The following UGGT1 variants were observed in gnomAD, a reference collection of about 807,000 sequenced individuals.
The protein encoded by UGGT1 is UDP-glucose glycoprotein glucosyltransferase 1.
A neutral mutation model predicts 203.9 loss-of-function variants in UGGT1; 107 were observed. That is an observed-to-expected ratio of 0.52 (90% CI 0.45 to 0.62). The LOEUF is 0.62. Among genes scored for constraint, UGGT1 ranks in the 20% least tolerant of loss-of-function variants. The pLI is 0.00. For missense variants in UGGT1, 1,673 were observed against 1,867.2 expected (o/e 0.90, Z 1.92); for synonymous variants, 628 against 653.5 (o/e 0.96, Z 0.59).
chr2:128,173,490 T>C (rs1224132248), intron 29 of UGGT1, among the ~76,000 whole-genome samples: 2 of 152,208 alleles, frequency 1.3e-5, no homozygotes, highest in African/African-American at 4.8e-5. Context: ...ACCTAGTTTT[T>C]ATAATTGTAT....
intron 10 of UGGT1, 83 bp from the exon 11 acceptor site, chr2:128,123,103 G>T: frequency 9.7e-7 from 1 of 1,031,900 alleles, no homozygotes; most frequent in Non-Finnish European, 1.4e-6. Flanking sequence ...ATTGAATAAT[G>T]TGTTTCATAT....
At position 128,170,259 on chromosome 2, in the gene UGGT1, G is replaced by A. The variant is rs754016716; in HGVS notation, c.2922-29G>A. On this transcript the variant is annotated intron_variant, in intron 26 of 40. Coordinates refer to ENST00000259253, the MANE Select transcript of UGGT1 (RefSeq NM_020120.4). ...AACTTTTGTTTCCTGTGTCCTCCAGGTTAATGTTTTATCCTTGTGATCTTT... is the reference window on the plus strand; with the variant it reads ...AACTTTTGTTTCCTGTGTCCTCCAGATTAATGTTTTATCCTTGTGATCTTT... 2.5e-6 allele frequency: 4 copies of A among 1,602,632 alleles called. No homozygotes were observed. The East Asian group carries it at 8.9e-5, about 36-fold the overall frequency.
chr2:128,189,634 C>A, intron 40 of UGGT1, 83 bp from the exon 41 acceptor site: 1 of 1,379,068 alleles, frequency 7.3e-7, no homozygotes, highest in Non-Finnish European at 1.0e-6. Context: ...AGAATAGGTT[C>A]CAGTGATGAA....
In UGGT1 at chr2:128,192,802, G is replaced by T. The variant is rs957718497; in HGVS notation, c.*3060G>T. 1 of 151,988 alleles carries T rather than the reference G, an allele frequency of 6.6e-6. No individual in the cohort carries two copies. The highest frequency in any genetic ancestry group is 1.5e-5 in the Non-Finnish European group (1 of 68,004). 9.4% of individuals were successfully genotyped at this position (151,988 alleles called of 1,614,324 possible). On this transcript the variant is annotated 3_prime_UTR_variant, in exon 41 of 41. Transcript: ENST00000259253. ...TGTACATCTGTCATTGTTGCATTTC[G>T]AATTGAACACATAGATGCTTGCCTG...
intron 8 of UGGT1, among the ~76,000 whole-genome samples, chr2:128,117,281 G>T (rs1688151780): frequency 6.6e-6 from 1 of 151,400 alleles, no homozygotes; most frequent in South Asian, 2.1e-4. Flanking sequence ...GTAGAGACGG[G>T]GTTTCACCAT....
rs1302845496 is a variant in UGGT1, at chr2:128,091,432, T to G, written c.58+17T>G. ...CGGTGACAGGTACCCAGGGGTGGCG[T>G]GAGGAGGCCTCGTGGACAAAGAGAG... On this transcript the variant is annotated intron_variant, in intron 1 of 40. Transcript: ENST00000259253. 6.4e-7 allele frequency: 1 copy of G among 1,574,208 alleles called. No individual in the cohort carries two copies. Among genetic ancestry groups the G allele is most frequent in the Non-Finnish European group, 8.6e-7 (1 of 1,159,826 alleles).
chr2:128,147,339 G>C lies in UGGT1; in HGVS notation c.2016+1372G>C, dbSNP rs537595092. Among the ~76,000 whole-genome samples, 4 of 152,228 alleles carry C rather than the reference G, an allele frequency of 2.6e-5. No individual in the cohort carries two copies. The East Asian group carries it at 7.7e-4, about 29-fold the overall frequency. ...TCCAGATTTCTATTTGGTTCTTTTTGATAATTTCCTTTGGTTTATAGATAT... is the reference window on the plus strand; with the variant it reads ...TCCAGATTTCTATTTGGTTCTTTTTCATAATTTCCTTTGGTTTATAGATAT... On this transcript the variant is annotated intron_variant, in intron 18 of 40. Transcript: ENST00000259253.
intron 6 of UGGT1, 79 bp downstream of exon 6, chr2:128,113,337 C>G: frequency 5.2e-6 from 6 of 1,157,448 alleles, no homozygotes; most frequent in Non-Finnish European, 6.9e-6. Context: ...AATAATCTCC[C>G]TCTTTATAAA....
intron 28 of UGGT1, 102 bp downstream of exon 28, chr2:128,171,386 G>A: frequency 9.5e-7 from 1 of 1,052,072 alleles, no homozygotes; most frequent in Non-Finnish European, 1.4e-6. Context: ...TGGACATCAT[G>A]TTTGAAATGG....
intron 28 of UGGT1, chr2:128,171,539 G>T (rs770939309): frequency 1.1e-4 from 50 of 435,654 alleles, no homozygotes; most frequent in South Asian, 7.7e-4. Flanking sequence ...ATGGAGTCTC[G>T]CTCTGTCGCC....
chr2:128,123,644 C>G (rs879678031), intron 11 of UGGT1, among the ~76,000 whole-genome samples: 1 of 152,202 alleles, frequency 6.6e-6, no homozygotes, highest in Non-Finnish European at 1.5e-5. Context: ...CTGCCTCCCC[C>G]TCAGTGTCCC....
At chr2:128,176,154 C>T (rs1372176011) in intron 31 of UGGT1, among the ~76,000 whole-genome samples, 1 of 152,144 alleles carries the variant, frequency 6.6e-6, no homozygotes, top group Non-Finnish European at 1.5e-5. Flanking sequence ...TGGCTCACGC[C>T]TGTAATCCCA....
chr2:128,109,920 T>C (rs1204486520), intron 5 of UGGT1, among the ~76,000 whole-genome samples, 174 bp downstream of exon 5: 2 of 152,188 alleles, frequency 1.3e-5, no homozygotes, highest in Non-Finnish European at 2.9e-5. Flanking sequence ...TTAAAATAGT[T>C]TTGTGAAATG....
intron 15 of UGGT1, among the ~76,000 whole-genome samples, chr2:128,136,464 G>A (rs913862191): frequency 1.3e-5 from 2 of 152,022 alleles, no homozygotes; most frequent in Admixed American, 6.5e-5. Flanking sequence ...GTCATACGGC[G>A]TGTGCCTATT....
chr2:128,170,298 C>G lies in UGGT1; in HGVS notation c.2932C>G (p.Leu978Val). ...FFEDRHSAIK[L>V]RPKEGETYFD... ...CTTGTGATCTTTCAGTGCAATCAAA[C>G]TGAGGCCGAAGGAAGGGGAGACATA... Residue 978 changes from leucine to valine, a missense_variant, in exon 27 of 41, where the codon CTG (leucine) becomes GTG (valine). Transcript: ENST00000259253. The G allele has an allele frequency of 1.2e-6, 2 of 1,614,176 alleles. No individual in the cohort carries two copies. The highest frequency in any genetic ancestry group is 4.5e-5 in the East Asian group (2 of 44,886).
intron 26 of UGGT1, among the ~76,000 whole-genome samples, chr2:128,169,229 G>A (rs1412090533): frequency 2.0e-5 from 3 of 151,864 alleles, no homozygotes; most frequent in Admixed American, 6.6e-5. Context: ...AAATTAGCCC[G>A]GCATGGTGGC....
At chr2:128,114,249 C>T (rs1288054582) in intron 6 of UGGT1, among the ~76,000 whole-genome samples, 6 of 152,092 alleles carry the variant, frequency 3.9e-5, no homozygotes, top group Non-Finnish European at 7.3e-5. Context: ...TCCCGAGTAG[C>T]TGGGATTACA....
At position 128,145,833 on chromosome 2, in the gene UGGT1, G is replaced by T; in HGVS notation, c.1882G>T (p.Val628Phe). 6.2e-7 allele frequency: 1 copy of T among 1,610,312 alleles called. No homozygotes were observed. Among genetic ancestry groups the T allele is most frequent in the Non-Finnish European group, 8.5e-7 (1 of 1,177,462 alleles). Residue 628 changes from valine to phenylalanine, a missense_variant, in exon 18 of 41, where the codon GTT becomes TTT. By Grantham distance (50) the Val-to-Phe change is conservative. Transcript: ENST00000259253. Reference sequence around the variant, plus strand: ...AAGAGGCTACTATGAGCAGACTGGAGTTGGACCTCTGCCCGTTGTGCTGTT... The same window carrying T: ...AAGAGGCTACTATGAGCAGACTGGATTTGGACCTCTGCCCGTTGTGCTGTT... ...EARGYYEQTG[V>F]GPLPVVLFNG... is the part of the protein sequence containing the mutation.
intron 7 of UGGT1, among the ~76,000 whole-genome samples, chr2:128,115,908 C>T (rs1056370501): frequency 6.6e-6 from 1 of 152,136 alleles, no homozygotes; most frequent in Admixed American, 6.5e-5. Context: ...ATAAATTCTT[C>T]AGAATTTTAA....
Sources: gnomAD v4.1 joint callset for allele counts (sites outside exome capture counted in the v4.1 genomes callset) on GRCh38, gnomAD v4.1.1 for gene constraint, MANE v1.5 for transcripts, NCBI Gene and HGNC (gene_info 2026-07-23, HGNC 2026-07-21) for gene names.